TSHZ1: variants seen among roughly 807,000 people sequenced by gnomAD.
The protein encoded by TSHZ1 is teashirt zinc finger homeobox 1, also known as teashirt homolog 1.
TSHZ1 carries 12 observed loss-of-function variants against 67.1 expected under a neutral mutation model. The ratio of observed to expected loss-of-function variants is 0.18; its 90% CI spans 0.11 to 0.29. TSHZ1 has a LOEUF of 0.29. TSHZ1 is among the 10% of genes least tolerant of loss of function. TSHZ1 has a pLI of 1.00. For synonymous variants in TSHZ1, 632 were observed against 622.4 expected (o/e 1.02, Z -0.23); for missense variants, 1,305 against 1,413.9 (o/e 0.92, Z 1.23).
intron 1 of TSHZ1, among the ~76,000 whole-genome samples, chr18:75,242,017 G>A (rs1176280600): frequency 6.6e-6 from 1 of 150,614 alleles, no homozygotes; most frequent in Non-Finnish European, 1.5e-5. Context: ...CACATTGTGA[G>A]GTTCTGGGAG....
In TSHZ1 at chr18:75,281,542, C is replaced by A. The variant is rs542285719; in HGVS notation, c.41-3906C>A. ...ATGGGGGTGGCATGACAGGCGTCCT[C>A]CCTGATGGGCCTGTGTCTGGCAGGT... On this transcript the variant is annotated intron_variant, in intron 1 of 1. Transcript: ENST00000580243. This position sits in a 1 kb window ranked among gnomAD's most constrained non-coding sequence, Gnocchi z 5.3. 9.9e-5 allele frequency among the ~76,000 whole-genome samples: 15 copies of A among 152,190 alleles called. No individual in the cohort carries two copies. The East Asian group carries it at 2.9e-3, about 29-fold the overall frequency.
At position 75,287,009 on chromosome 18, in the gene TSHZ1, G is replaced by C. The variant is rs759690423; in HGVS notation, c.1602G>C (p.Pro534=). 1.2e-6 allele frequency: 2 copies of C among 1,613,924 alleles called. No individual in the cohort carries two copies. The highest frequency in any genetic ancestry group is 1.7e-6 in the Non-Finnish European group (2 of 1,179,976). Residue 534 remains proline, a synonymous_variant, in exon 2 of 2, where the codon CCG becomes CCC. Coordinates refer to ENST00000580243, the MANE Select transcript of TSHZ1 (RefSeq NM_001308210.2). This position sits in a 1 kb window ranked among gnomAD's most constrained non-coding sequence, Gnocchi z 5.0. ...LEKFEPSTLY[P]YLREEDLDDS... ...AATTTGAGCCCAGCACCCTGTACCC[G>C]TACCTGCGTGAGGAGGACCTGGACG...
At chr18:75,237,536 AAC>A (rs2023089553) in intron 1 of TSHZ1, among the ~76,000 whole-genome samples, 1 of 152,136 alleles carries the variant, frequency 6.6e-6, no homozygotes, top group Admixed American at 6.5e-5. Context: ...ATAAAATAAG[AAC>A]AGTCATATAT....
In TSHZ1 at chr18:75,289,936, C is replaced by T. The variant is rs997871447; in HGVS notation, c.*1295C>T. 3.0e-5 allele frequency: 5 copies of T among 166,998 alleles called. No homozygotes were observed. Among genetic ancestry groups the T allele is most frequent in the South Asian group, 2.1e-4 (1 of 4,826 alleles). The allele number at this position is 166,998 out of a possible 1,614,324, so 10.3% of individuals were successfully genotyped here. On this transcript the variant is annotated 3_prime_UTR_variant, in exon 2 of 2. Transcript: ENST00000580243. ...ATGTAAAATAAACCCACATGCAGTT[C>T]TTGATTTACACGGATTGTCATGTCG... is the stretch of plus-strand genomic sequence containing the variant.
chr18:75,226,781 C>T (rs1049914737), intron 1 of TSHZ1, among the ~76,000 whole-genome samples: 8 of 152,128 alleles, frequency 5.3e-5, no homozygotes, highest in African/African-American at 1.7e-4. Context: ...TGGGAAACGC[C>T]GCCGACAAAG....
At chr18:75,219,518 A>C (rs1474723928) in intron 1 of TSHZ1, among the ~76,000 whole-genome samples, 4 of 152,230 alleles carry the variant, frequency 2.6e-5, no homozygotes, top group African/African-American at 9.6e-5. Context: ...ACTTAGGTGG[A>C]AGTAAAGGTT....
At chr18:75,237,011 A>G (rs11151112) in intron 1 of TSHZ1, among the ~76,000 whole-genome samples, 51,590 of 151,994 alleles carry the variant, frequency 0.34, 9,208 homozygotes, top group South Asian at 0.48. Flanking sequence ...GTGGCGGGGA[A>G]TAGCAGTGGG....
intron 1 of TSHZ1, among the ~76,000 whole-genome samples, chr18:75,241,212 G>A (rs1290308272): frequency 2.0e-5 from 3 of 152,208 alleles, no homozygotes; most frequent in South Asian, 2.1e-4. Flanking sequence ...TGCACCCAAG[G>A]GCTCTGCAGC....
At chr18:75,233,020 C>T (rs1238543539) in intron 1 of TSHZ1, among the ~76,000 whole-genome samples, 1 of 152,204 alleles carries the variant, frequency 6.6e-6, no homozygotes, top group African/African-American at 2.4e-5. Flanking sequence ...CACAGGATGC[C>T]TGTCCCTATT....
chr18:75,231,104 A>G (rs2022993086), intron 1 of TSHZ1, among the ~76,000 whole-genome samples: 2 of 152,268 alleles, frequency 1.3e-5, no homozygotes, highest in South Asian at 4.1e-4. Flanking sequence ...GTTTCTCTCC[A>G]GTGGTGGAGG....
chr18:75,256,861 G>T (rs553788518), intron 1 of TSHZ1, among the ~76,000 whole-genome samples: 14 of 152,318 alleles, frequency 9.2e-5, no homozygotes, highest in African/African-American at 3.4e-4. Flanking sequence ...ACCTCGGATA[G>T]TTAGGTAGCT....
chr18:75,245,856 C>T (rs868143068), intron 1 of TSHZ1, among the ~76,000 whole-genome samples: 1 of 152,276 alleles, frequency 6.6e-6, no homozygotes, highest in East Asian at 1.9e-4. Context: ...TCAATGGATG[C>T]CCACTCTATG....
At chr18:75,279,049 C>T (rs1246439756) in intron 1 of TSHZ1, among the ~76,000 whole-genome samples, 4 of 152,128 alleles carry the variant, frequency 2.6e-5, no homozygotes, top group Non-Finnish European at 4.4e-5. Flanking sequence ...GCCACTCTGA[C>T]CAGCACTTCA....
intron 1 of TSHZ1, among the ~76,000 whole-genome samples, chr18:75,214,868 T>G (rs895033022): frequency 1.3e-5 from 2 of 152,196 alleles, no homozygotes; most frequent in African/African-American, 4.8e-5. Flanking sequence ...GCGTAACGAT[T>G]AATGCGGACA....
rs192575410 is a variant in TSHZ1 at position 75,259,378 on chromosome 18, A to G, written c.41-26070A>G. 1.9e-4 allele frequency among the ~76,000 whole-genome samples: 29 copies of G among 152,284 alleles called. No individual in the cohort carries two copies. In the East Asian group the frequency reaches 4.8e-3, roughly 25 times the overall value. ...GTCCAAAAATATTAAACAGAAAATT[A>G]CAGAAATAAATGCATAAGTTTTAAG... is the stretch of plus-strand genomic sequence containing the variant. On this transcript the variant is annotated intron_variant, in intron 1 of 1. Transcript: ENST00000580243.
rs750856692 is a variant in TSHZ1, at chr18:75,287,385, GAGA to G, written c.1981_1983del (p.Lys661del). On this transcript the variant is annotated inframe_deletion, in exon 2 of 2. Coordinates refer to ENST00000580243, the MANE Select transcript of TSHZ1 (RefSeq NM_001308210.2). The surrounding 1 kb of genome is among the most constrained non-coding windows in gnomAD (Gnocchi z 5.0). ...CATCAAGAAGGAGGAGAGACCCCCT[GAGA>G]AGGAGAAGAGCTCCCTGGCCAAGGC... 1 of 1,614,106 alleles carries G rather than the reference GAGA, an allele frequency of 6.2e-7. No individual in the cohort carries two copies. Among genetic ancestry groups the G allele is most frequent in the South Asian group, 1.1e-5 (1 of 91,078 alleles).
chr18:75,257,619 G>GA (rs1010552671), intron 1 of TSHZ1, among the ~76,000 whole-genome samples: 2,374 of 144,300 alleles, frequency 0.016, 23 homozygotes, highest in South Asian at 0.025. Flanking sequence ...TTCGTAGACA[G>GA]AAAAAAAAAA....
Position 75,287,404 on chromosome 18 carries a change from T to C in TSHZ1, c.1997T>C (p.Leu666Pro), listed in dbSNP as rs55679337. The change falls in exon 2 of 2, where the codon CTG (leucine) becomes CCG (proline). Residue 666 changes from leucine to proline, a missense_variant. Around this residue, in one of 3 missense-constraint regions of TSHZ1, gnomAD observed 909 missense variants for 961.8 expected, o/e 0.95. Transcript: ENST00000580243. The surrounding 1 kb of genome is among the most constrained non-coding windows in gnomAD (Gnocchi z 5.0). ...ERPPEKEKSS[L>P]AKAASPIAKE... ...CCCCCTGAGAAGGAGAAGAGCTCCCTGGCCAAGGCTGCGTCCCCCATAGCA... is the reference window on the plus strand; with the variant it reads ...CCCCCTGAGAAGGAGAAGAGCTCCCCGGCCAAGGCTGCGTCCCCCATAGCA... The C allele has an allele frequency of 0.32, 510,083 of 1,613,912 alleles. 82,821 individuals are homozygous for C. The highest frequency in any genetic ancestry group is 0.36 in the Middle Eastern group (2,199 of 6,062).
chr18:75,285,683 C>A lies in TSHZ1; in HGVS notation c.276C>A (p.Ser92=). ...AGCTAGCCCATTTCAAAGGCTCTTC[C>A]TCTCGAGAAGAGAAGGAGGATCCGC... The part of the protein sequence containing the change: ...SDQLAHFKGS[S]SREEKEDPQC... Residue 92 remains serine, a synonymous_variant, in exon 2 of 2, where the codon TCC becomes TCA. Coordinates refer to ENST00000580243, the MANE Select transcript of TSHZ1 (RefSeq NM_001308210.2). The A allele has an allele frequency of 1.2e-6, 2 of 1,614,116 alleles. No individual in the cohort carries two copies. Among genetic ancestry groups the A allele is most frequent in the Non-Finnish European group, 1.7e-6 (2 of 1,180,010 alleles).
Sources: gnomAD v4.1 joint callset for allele counts (sites outside exome capture counted in the v4.1 genomes callset) on GRCh38, gnomAD v4.1.1 for gene constraint, gnomAD v4.1.1 regional missense constraint, Gnocchi (gnomAD v3.1) non-coding constraint, MANE v1.5 for transcripts, NCBI Gene and HGNC (gene_info 2026-07-23, HGNC 2026-07-21) for gene names.